KCNQ5: variants seen among roughly 807,000 people sequenced by gnomAD.
KCNQ5 encodes the protein potassium voltage-gated channel subfamily Q member 5, also known as potassium voltage-gated channel subfamily KQT member 5.
KCNQ5 carries 30 observed loss-of-function variants against 98.2 expected under a neutral mutation model. The observed-to-expected ratio is 0.31, with a 90% confidence interval of 0.23 to 0.41. The LOEUF is 0.41. KCNQ5 is among the 10% of genes least tolerant of loss of function. The pLI, the probability that KCNQ5 is intolerant of heterozygous loss-of-function variation, is 1.00. For missense variants in KCNQ5, 835 were observed against 1,182.5 expected (o/e 0.71, Z 4.31); for synonymous variants, 458 against 449.4 (o/e 1.02, Z -0.24).
At chr6:73,157,575 C>T in intron 10 of KCNQ5, 2 of 763,536 alleles carry the variant, frequency 2.6e-6, no homozygotes. Context: ...AGGGAACCAG[C>T]GCACCTGGCA....
At chr6:72,643,671 A>G (rs1420356972) in intron 1 of KCNQ5, among the ~76,000 whole-genome samples, 1 of 152,144 alleles carries the variant, frequency 6.6e-6, no homozygotes, top group Non-Finnish European at 1.5e-5. Context: ...GAGAGGCCAA[A>G]ACACTTCTGG....
intron 1 of KCNQ5, among the ~76,000 whole-genome samples, chr6:72,650,462 G>A (rs1765817666): frequency 6.6e-6 from 1 of 152,060 alleles, no homozygotes; most frequent in African/African-American, 2.4e-5. Context: ...AAAAAAGAAG[G>A]GGAAAAACAC....
chr6:73,196,935 A>C lies in KCNQ5; in HGVS notation c.*1521A>C, dbSNP rs1582523624. The C allele has an allele frequency of 6.6e-6, 1 of 152,364 alleles. No individual in the cohort carries two copies. The highest frequency in any genetic ancestry group is 3.4e-3 in the Middle Eastern group (1 of 294). The allele number at this position is 152,364 out of a possible 1,614,324, so 9.4% of individuals were successfully genotyped here. Reference sequence around the variant, plus strand: ...TCAGCCAACGTAATGACATTCAAAAAAAAAGGACATAAGAGATAGCATTTC... The same window carrying C: ...TCAGCCAACGTAATGACATTCAAAACAAAAGGACATAAGAGATAGCATTTC... On this transcript the variant is annotated 3_prime_UTR_variant, in exon 14 of 14. Transcript: ENST00000370398.
At chr6:73,093,195 T>C (rs1016554110) in intron 5 of KCNQ5, among the ~76,000 whole-genome samples, 1 of 152,092 alleles carries the variant, frequency 6.6e-6, no homozygotes, top group Non-Finnish European at 1.5e-5. Context: ...ATGTGCGTAA[T>C]GGTGTTCATA....
Position 73,194,482 on chromosome 6 carries a change from C to T in KCNQ5, c.1867C>T (p.Leu623=), listed in dbSNP as rs1220407579. 5 of 1,613,956 alleles carry T rather than the reference C, an allele frequency of 3.1e-6. No individual in the cohort carries two copies. Among genetic ancestry groups the T allele is most frequent in the Non-Finnish European group, 3.4e-6 (4 of 1,179,910 alleles). The change falls in exon 14 of 14, where the codon CTA becomes TTA. Residue 623 remains leucine, a synonymous_variant. Coordinates refer to ENST00000370398, the MANE Select transcript of KCNQ5 (RefSeq NM_019842.4). ...VQSIESKLDC[L]LDIYQQVLRK... ...GTCCATAGAATCCAAGCTGGACTGC[C>T]TACTAGACATCTATCAACAGGTCCT...
chr6:72,676,071 A>T (rs188401878), intron 1 of KCNQ5, among the ~76,000 whole-genome samples: 89 of 152,318 alleles, frequency 5.8e-4, no homozygotes, highest in Non-Finnish European at 6.0e-4. Context: ...ACTCTTGCAA[A>T]GACCTTTGGA....
intron 3 of KCNQ5, among the ~76,000 whole-genome samples, chr6:73,052,323 A>G (rs1772281986): frequency 6.6e-6 from 1 of 152,226 alleles, no homozygotes; most frequent in African/African-American, 2.4e-5. Context: ...ATTTCAGGAT[A>G]TCATCCATGA....
intron 9 of KCNQ5, among the ~76,000 whole-genome samples, chr6:73,132,399 GA>G (rs886884292): frequency 2.0e-5 from 3 of 149,642 alleles, no homozygotes; most frequent in South Asian, 4.3e-4. Flanking sequence ...AAGGAAACAA[GA>G]AAAAAAAACA....
rs143989740 is a variant in KCNQ5 at position 72,791,833 on chromosome 6, C to T, written c.398+169246C>T. 1.2e-4 allele frequency among the ~76,000 whole-genome samples: 18 copies of T among 152,268 alleles called. No homozygotes were observed. The East Asian group carries it at 3.1e-3, about 26-fold the overall frequency. ...CGCAGGAGAGATGGAAGGGGCCAAACTCATCCTTCATAAGGATGCCACTTC... is the reference window on the plus strand; with the variant it reads ...CGCAGGAGAGATGGAAGGGGCCAAATTCATCCTTCATAAGGATGCCACTTC... On this transcript the variant is annotated intron_variant, in intron 1 of 13. Transcript: ENST00000370398.
intron 2 of KCNQ5, among the ~76,000 whole-genome samples, chr6:73,010,217 G>A (rs1328421354): frequency 6.6e-6 from 1 of 152,030 alleles, no homozygotes; most frequent in East Asian, 1.9e-4. Context: ...ATTGATCAGT[G>A]TTATAGGCCA....
At chr6:72,887,331 T>C (rs1236399830) in intron 1 of KCNQ5, among the ~76,000 whole-genome samples, 2 of 152,082 alleles carry the variant, frequency 1.3e-5, no homozygotes, top group Non-Finnish European at 2.9e-5. Context: ...ACTCACCATT[T>C]TGAAAACCAT....
intron 1 of KCNQ5, among the ~76,000 whole-genome samples, chr6:72,673,382 T>C (rs1254822215): frequency 6.6e-6 from 1 of 152,226 alleles, no homozygotes; most frequent in Non-Finnish European, 1.5e-5. Flanking sequence ...ACTTTACTTT[T>C]CCTTGGAAAG....
intron 5 of KCNQ5, among the ~76,000 whole-genome samples, chr6:73,084,564 A>G (rs1773906560): frequency 6.6e-6 from 1 of 152,336 alleles, no homozygotes; most frequent in East Asian, 1.9e-4. Flanking sequence ...TCATCTTCCC[A>G]TGCCATGCCA....
At chr6:72,860,925 CT>C (rs1436351954) in intron 1 of KCNQ5, among the ~76,000 whole-genome samples, 1 of 151,936 alleles carries the variant, frequency 6.6e-6, no homozygotes, top group Non-Finnish European at 1.5e-5. Flanking sequence ...AGACTCTACT[CT>C]GAGTAGTTTT....
In KCNQ5 at chr6:72,869,988, G is replaced by A. The variant is rs1325162115; in HGVS notation, c.399-133920G>A. The stretch of plus-strand genomic sequence containing the variant: ...AAAATATTCCCTTGCCAAAATTGCT[G>A]CATTGAAAAGTCCACACCACTAAAA... On this transcript the variant is annotated intron_variant, in intron 1 of 13. Transcript: ENST00000370398. Among the ~76,000 whole-genome samples, 3 of 152,200 alleles carry A rather than the reference G, an allele frequency of 2.0e-5. No homozygotes were observed. In the East Asian group the frequency reaches 5.8e-4, roughly 29 times the overall value.
chr6:73,181,338 A>G (rs3799285), intron 11 of KCNQ5, among the ~76,000 whole-genome samples: 7,316 of 152,260 alleles, frequency 0.048, 200 homozygotes, highest in East Asian at 0.11. Context: ...TGCTGTATTA[A>G]TCCCAGTGAT....
intron 10 of KCNQ5, among the ~76,000 whole-genome samples, chr6:73,139,942 A>G (rs1776636967): frequency 6.6e-6 from 1 of 151,938 alleles, no homozygotes; most frequent in Admixed American, 6.5e-5. Context: ...GAAATACACC[A>G]TGTGGGGTGC....
intron 1 of KCNQ5, among the ~76,000 whole-genome samples, chr6:72,673,967 T>A (rs1247972534): frequency 6.6e-6 from 1 of 152,210 alleles, no homozygotes; most frequent in Admixed American, 6.5e-5. Flanking sequence ...GTGAATCAAC[T>A]TTTTTATTTC....
At chr6:72,835,761 C>G (rs1562014263) in intron 1 of KCNQ5, among the ~76,000 whole-genome samples, 1 of 152,158 alleles carries the variant, frequency 6.6e-6, no homozygotes, top group East Asian at 1.9e-4. Context: ...ATTTCTGTTT[C>G]AAATCCATAT....
Sources: gnomAD v4.1 joint callset for allele counts (sites outside exome capture counted in the v4.1 genomes callset) on GRCh38, gnomAD v4.1.1 for gene constraint, MANE v1.5 for transcripts, NCBI Gene and HGNC (gene_info 2026-07-23, HGNC 2026-07-21) for gene names.